Variants in DLG2 observed in about 807,000 individuals in gnomAD.
The protein encoded by DLG2 is discs large MAGUK scaffold protein 2, also known as disks large homolog 2.
In DLG2, 45 loss-of-function variants were observed where a neutral mutation model predicts 132.5. That is an observed-to-expected ratio of 0.34 (90% confidence interval 0.27 to 0.44). The LOEUF (loss-of-function observed/expected upper bound fraction) is 0.44, where lower values mean the gene tolerates loss of function less well. DLG2 is among the 20% of genes least tolerant of loss of function. The pLI is 1.00. For synonymous variants in DLG2, 424 were observed against 419.6 expected (o/e 1.01, Z -0.13); for missense variants, 1,045 against 1,196.9 (o/e 0.87, Z 1.87).
chr11:83,668,759 A>ATG (rs1485081383), intron 18 of DLG2, among the ~76,000 whole-genome samples: 3 of 144,700 alleles, frequency 2.1e-5, no homozygotes, highest in Admixed American at 2.1e-4. Context: ...ACACATATAT[A>ATG]TGTGTATATA....
At chr11:83,562,835 T>G (rs2096635136) in intron 19 of DLG2, among the ~76,000 whole-genome samples, 1 of 152,144 alleles carries the variant, frequency 6.6e-6, no homozygotes, top group African/African-American at 2.4e-5. Flanking sequence ...CAAATCTGGA[T>G]GGCAAACTCC....
At chr11:83,641,669 T>C (rs2066553497) in intron 18 of DLG2, among the ~76,000 whole-genome samples, 1 of 152,180 alleles carries the variant, frequency 6.6e-6, no homozygotes, top group Admixed American at 6.6e-5. Flanking sequence ...TCAAGAGCGC[T>C]GAGCTCTGGT....
intron 3 of DLG2, among the ~76,000 whole-genome samples, chr11:85,366,704 T>A (rs1187033203): frequency 6.6e-6 from 1 of 152,138 alleles, no homozygotes; most frequent in Non-Finnish European, 1.5e-5. Context: ...ATTTGCTGGA[T>A]AAGAGAGTTA....
intron 4 of DLG2, among the ~76,000 whole-genome samples, chr11:85,217,359 T>C (rs1308912916): frequency 2.9e-5 from 4 of 138,228 alleles, no homozygotes; most frequent in Admixed American, 7.3e-5. Context: ...GTTTCAATCA[T>C]GCACACAGAG....
chr11:85,006,865 G>A (rs1462690867), intron 6 of DLG2, among the ~76,000 whole-genome samples: 1 of 151,980 alleles, frequency 6.6e-6, no homozygotes, highest in African/African-American at 2.4e-5. Flanking sequence ...CTGTGGGCAT[G>A]TAGTGCTACA....
intron 7 of DLG2, among the ~76,000 whole-genome samples, chr11:84,468,616 T>C (rs1361526899): frequency 2.6e-5 from 4 of 151,586 alleles, no homozygotes. Flanking sequence ...CTTTCAATTT[T>C]GTCCATAACT....
chr11:84,350,316 T>C (rs2098558121), intron 7 of DLG2, among the ~76,000 whole-genome samples: 1 of 152,082 alleles, frequency 6.6e-6, no homozygotes, highest in Non-Finnish European at 1.5e-5. Context: ...AAAATGTTTG[T>C]GTTCATTTGC....
intron 10 of DLG2, among the ~76,000 whole-genome samples, chr11:84,090,336 C>T (rs2097068547): frequency 1.3e-5 from 2 of 148,522 alleles, no homozygotes; most frequent in South Asian, 2.1e-4. Flanking sequence ...ATCGCTTGAA[C>T]CCAGGAGGCG....
chr11:85,111,843 A>T, intron 5 of DLG2, 108 bp from the exon 6 acceptor site: 1 of 783,490 alleles, frequency 1.3e-6, no homozygotes, highest in East Asian at 3.0e-5. Context: ...ATTTATAATC[A>T]TAGAGAGAGA....
At chr11:85,568,425 T>C (rs2077654696) in intron 3 of DLG2, among the ~76,000 whole-genome samples, 1 of 152,192 alleles carries the variant, frequency 6.6e-6, no homozygotes, top group Non-Finnish European at 1.5e-5. Context: ...CAGAGTAATA[T>C]GGACCTCATA....
intron 6 of DLG2, among the ~76,000 whole-genome samples, chr11:84,703,883 T>TATATATATATATATATATATATATATAC: frequency 8.3e-6 from 1 of 119,924 alleles, no homozygotes. Flanking sequence ...TATATATATA[T>TATATATATATATATATATATATATATAC]ACACGTGTGT....
intron 9 of DLG2, among the ~76,000 whole-genome samples, chr11:84,101,960 C>T (rs1033677585): frequency 5.9e-5 from 9 of 152,104 alleles, no homozygotes; most frequent in Non-Finnish European, 1.2e-4. Context: ...CACTTTACCC[C>T]CCAGGAACAA....
At chr11:84,003,504 A>T (rs567164741) in intron 11 of DLG2, among the ~76,000 whole-genome samples, 1 of 152,246 alleles carries the variant, frequency 6.6e-6, no homozygotes, top group Non-Finnish European at 1.5e-5. Flanking sequence ...GGCCTCAACA[A>T]ACTTACAATT....
rs1018874739 is a variant in DLG2 at position 84,286,350 on chromosome 11, AG to A, written c.520-35060del. Among the ~76,000 whole-genome samples, 23 of 152,222 alleles carry A rather than the reference AG, an allele frequency of 1.5e-4. 2 individuals are homozygous for A. The Middle Eastern group carries it at 0.031, about 203-fold the overall frequency. ...GGGCTTCTCATGTAATAGGAGTGCA[AG>A]GGGGTAAAAAAAAGTCAATAGCTCT... On this transcript the variant is annotated intron_variant, in intron 7 of 27. Coordinates refer to ENST00000376104, the MANE Select transcript of DLG2 (RefSeq NM_001142699.3).
At chr11:84,904,474 T>G (rs1002951318) in intron 6 of DLG2, among the ~76,000 whole-genome samples, 1 of 152,210 alleles carries the variant, frequency 6.6e-6, no homozygotes, top group Admixed American at 6.5e-5. Flanking sequence ...ATTTTTTAAC[T>G]AAATCAGACT....
At chr11:83,649,312 C>G (rs900570911) in intron 18 of DLG2, among the ~76,000 whole-genome samples, 1 of 152,046 alleles carries the variant, frequency 6.6e-6, no homozygotes, top group African/African-American at 2.4e-5. Flanking sequence ...CCCACTAGCC[C>G]CCAGCTTCTC....
chr11:84,867,289 G>A (rs1441766173), intron 6 of DLG2, among the ~76,000 whole-genome samples: 2 of 152,174 alleles, frequency 1.3e-5, no homozygotes, highest in Admixed American at 1.3e-4. Context: ...AGTGTCTGAA[G>A]TTACCTCTCT....
intron 6 of DLG2, among the ~76,000 whole-genome samples, chr11:84,673,483 ATAT>A (rs1441821908): frequency 2.0e-5 from 3 of 151,906 alleles, no homozygotes; most frequent in Non-Finnish European, 4.4e-5. Context: ...GGGCTTATAA[ATAT>A]TATAAATAAG....
At chr11:85,506,494 A>T (rs1256190961) in intron 3 of DLG2, among the ~76,000 whole-genome samples, 2 of 152,208 alleles carry the variant, frequency 1.3e-5, no homozygotes, top group Non-Finnish European at 1.5e-5. Context: ...ATTCAGGAGC[A>T]AGTTGTTCAG....
Sources: gnomAD v4.1 joint callset for allele counts (sites outside exome capture counted in the v4.1 genomes callset) on GRCh38, gnomAD v4.1.1 for gene constraint, MANE v1.5 for transcripts, NCBI Gene and HGNC (gene_info 2026-07-23, HGNC 2026-07-21) for gene names.